Variants in HIPK2 observed in about 807,000 individuals in gnomAD.
The protein encoded by HIPK2 is homeodomain interacting protein kinase 2.
In HIPK2, 27 loss-of-function variants were observed where a neutral mutation model predicts 113.7. That is an observed-to-expected ratio of 0.24 (90% CI 0.17 to 0.33). HIPK2 has a LOEUF of 0.33. HIPK2 is among the 10% of genes least tolerant of loss of function. The pLI, the probability that HIPK2 is intolerant of heterozygous loss-of-function variation, is 1.00. For synonymous variants in HIPK2, 631 were observed against 642.2 expected, an observed-to-expected ratio of 0.98 and a Z score of 0.26; for missense variants, 1,257 against 1,588.0, an observed-to-expected ratio of 0.79 and a Z score of 3.54.
chr7:139,658,292 G>A (rs1167558916), intron 2 of HIPK2, among the ~76,000 whole-genome samples: 1 of 129,822 alleles, frequency 7.7e-6, no homozygotes, highest in African/African-American at 3.0e-5. Context: ...GGTGACAACA[G>A]TGAAACTTGG....
chr7:139,759,959 A>G (rs1796436410), intron 1 of HIPK2, among the ~76,000 whole-genome samples: 1 of 152,046 alleles, frequency 6.6e-6, no homozygotes, highest in Non-Finnish European at 1.5e-5. Context: ...GAATGATTTA[A>G]CAATTTTTCA....
intron 1 of HIPK2, among the ~76,000 whole-genome samples, chr7:139,724,778 G>T (rs1585424368): frequency 6.8e-6 from 1 of 146,704 alleles, no homozygotes; most frequent in African/African-American, 2.5e-5. Context: ...GAGAACATGC[G>T]GTGTTTGGTT....
intron 12 of HIPK2, among the ~76,000 whole-genome samples, chr7:139,587,404 G>A (rs1177522166): frequency 2.8e-5 from 4 of 145,368 alleles, no homozygotes; most frequent in South Asian, 2.1e-4. Flanking sequence ...CAGTAGAATC[G>A]CTTGAACCCA....
At chr7:139,758,465 G>A (rs1385196032) in intron 1 of HIPK2, among the ~76,000 whole-genome samples, 3 of 151,816 alleles carry the variant, frequency 2.0e-5, no homozygotes, top group Non-Finnish European at 4.4e-5. Flanking sequence ...TAAAACAGGG[G>A]TCCCCAACCA....
At chr7:139,638,538 CAT>C (rs1800888847) in intron 2 of HIPK2, among the ~76,000 whole-genome samples, 1 of 151,990 alleles carries the variant, frequency 6.6e-6, no homozygotes, top group South Asian at 2.1e-4. Context: ...ATACTTTAAA[CAT>C]ATATATGAAG....
intron 2 of HIPK2, among the ~76,000 whole-genome samples, chr7:139,705,192 G>A (rs1227588155): frequency 6.6e-6 from 1 of 152,250 alleles, no homozygotes; most frequent in Non-Finnish European, 1.5e-5. Context: ...CAAGGAAAAT[G>A]CATGCTGTCA....
rs1484838155 is a variant in HIPK2 at position 139,572,341 on chromosome 7, G to T, written c.*586C>A. The T allele has an allele frequency of 6.6e-6, 1 of 152,226 alleles. No individual in the cohort carries two copies. Among genetic ancestry groups the T allele is most frequent in the African/African-American group, 2.4e-5 (1 of 41,460 alleles). 9.4% of individuals were successfully genotyped at this position (152,226 alleles called of 1,614,324 possible). A position where few individuals can be genotyped will look rare whatever the true frequency, so the allele number is the denominator to read the frequency against. On this transcript the variant is annotated 3_prime_UTR_variant, in exon 15 of 15. Transcript: ENST00000406875. Reference sequence around the variant, plus strand: ...CATCAGCCTCCTCAGGCTGCAGCCCGACATTCTGGAGGGCTGTTGACCCTT... The same window carrying T: ...CATCAGCCTCCTCAGGCTGCAGCCCTACATTCTGGAGGGCTGTTGACCCTT...
At chr7:139,758,410 G>A (rs937387599) in intron 1 of HIPK2, among the ~76,000 whole-genome samples, 1 of 152,170 alleles carries the variant, frequency 6.6e-6, no homozygotes, top group Non-Finnish European at 1.5e-5. Flanking sequence ...GGACAATTGA[G>A]TATTGAAAAA....
At position 139,714,954 on chromosome 7, in the gene HIPK2, C is replaced by T. The variant is rs1326357591; in HGVS notation, c.1103+978G>A. On this transcript the variant is annotated intron_variant, in intron 2 of 14. Transcript: ENST00000406875. The surrounding 1 kb of genome is among the most constrained non-coding windows in gnomAD (Gnocchi z 4.2). ...GCTGGTGAGAGGATTTCTCCCACTTCATGGGTTAGGAAATGAAGGCATGGA... is the reference window on the plus strand; with the variant it reads ...GCTGGTGAGAGGATTTCTCCCACTTTATGGGTTAGGAAATGAAGGCATGGA... 6.6e-6 allele frequency among the ~76,000 whole-genome samples: 1 copy of T among 152,178 alleles called. No homozygotes were observed. The highest frequency in any genetic ancestry group is 1.5e-5 in the Non-Finnish European group (1 of 68,032).
rs1798192791 is a variant in HIPK2, at chr7:139,569,380, GGGGA to G, written c.*3543_*3546del. On this transcript the variant is annotated 3_prime_UTR_variant, in exon 15 of 15. Transcript: ENST00000406875. ...CGCCGATGGCAAAAGGATGGATTGTGGGGAAGCGGATGGGGTCACCTCTGGGAGG... is the reference window on the plus strand; with the variant it reads ...CGCCGATGGCAAAAGGATGGATTGTGAGCGGATGGGGTCACCTCTGGGAGG... 1 of 152,272 alleles carries G rather than the reference GGGGA, an allele frequency of 6.6e-6. No individual in the cohort carries two copies. Among genetic ancestry groups the G allele is most frequent in the Non-Finnish European group, 1.5e-5 (1 of 68,100 alleles). The allele number at this position is 152,272 out of a possible 1,614,324, so 9.4% of individuals were successfully genotyped here.
At chr7:139,591,433 C>T (rs1244330269) in intron 12 of HIPK2, among the ~76,000 whole-genome samples, 2 of 152,178 alleles carry the variant, frequency 1.3e-5, no homozygotes, top group African/African-American at 4.8e-5. Context: ...CACCTTCAGT[C>T]TATCCACTGA....
chr7:139,619,009 C>T (rs1800149761), intron 7 of HIPK2, among the ~76,000 whole-genome samples: 2 of 152,190 alleles, frequency 1.3e-5, no homozygotes, highest in South Asian at 4.1e-4. Context: ...TTTTCGGACT[C>T]CCAACAGCTC....
intron 1 of HIPK2, among the ~76,000 whole-genome samples, chr7:139,775,647 G>T (rs929890698): frequency 9.9e-5 from 15 of 152,148 alleles, no homozygotes; most frequent in African/African-American, 3.6e-4. Flanking sequence ...AATAAAAACA[G>T]TTCATGAGAC....
At chr7:139,751,353 C>T (rs548782236) in intron 1 of HIPK2, among the ~76,000 whole-genome samples, 38 of 152,294 alleles carry the variant, frequency 2.5e-4, no homozygotes, top group African/African-American at 8.9e-4. Flanking sequence ...CCACCTCCAA[C>T]CACCTTCCAC....
At chr7:139,582,173 G>A (rs1233257538) in intron 13 of HIPK2, among the ~76,000 whole-genome samples, 1 of 152,162 alleles carries the variant, frequency 6.6e-6, no homozygotes, top group Non-Finnish European at 1.5e-5. Flanking sequence ...TTGTAGCCTT[G>A]TGGAAGGGAC....
At chr7:139,580,786 A>C (rs74618429) in intron 13 of HIPK2, among the ~76,000 whole-genome samples, 53 of 152,368 alleles carry the variant, frequency 3.5e-4, no homozygotes, top group African/African-American at 1.3e-3. Flanking sequence ...ATGAGGATTA[A>C]ATGAGTTAAC....
chr7:139,737,900 G>A (rs1569483281), intron 1 of HIPK2, among the ~76,000 whole-genome samples: 1 of 152,232 alleles, frequency 6.6e-6, no homozygotes, highest in African/African-American at 2.4e-5. Context: ...GTCAGCACAG[G>A]AGGAAGCTGC....
intron 2 of HIPK2, among the ~76,000 whole-genome samples, chr7:139,694,693 ATGGGGGAGG>A: frequency 6.6e-6 from 1 of 152,254 alleles, no homozygotes; most frequent in East Asian, 1.9e-4. Flanking sequence ...GCTATGATAA[ATGGGGGAGG>A]TAGTGTCTGC....
Position 139,631,555 on chromosome 7 carries a change from C to G in HIPK2, c.1227+47G>C, listed in dbSNP as rs1585301911. 1.9e-6 allele frequency: 3 copies of G among 1,594,628 alleles called. No individual in the cohort carries two copies. Among genetic ancestry groups the G allele is most frequent in the Non-Finnish European group, 2.6e-6 (3 of 1,169,404 alleles). ...TGAAATGCTAATCCAGGCTATTTTCCAGATGAAGAATGAGGTCTTGTGAAT... is the reference window on the plus strand; with the variant it reads ...TGAAATGCTAATCCAGGCTATTTTCGAGATGAAGAATGAGGTCTTGTGAAT... On this transcript the variant is annotated intron_variant, in intron 3 of 14. Transcript: ENST00000406875. This position sits in a 1 kb window ranked among gnomAD's most constrained non-coding sequence, Gnocchi z 4.9.
Sources: allele counts gnomAD v4.1 joint callset (sites outside exome capture counted in the v4.1 genomes callset), GRCh38; gene constraint gnomAD v4.1.1; non-coding constraint Gnocchi (gnomAD v3.1); transcripts MANE v1.5; gene names NCBI Gene and HGNC (gene_info 2026-07-23, HGNC 2026-07-21).